Variants in NRG2 observed in about 807,000 individuals in gnomAD.
NRG2 encodes neuregulin 2, also known as pro-neuregulin-2, membrane-bound isoform.
A neutral mutation model predicts 73.9 loss-of-function variants in NRG2; 27 were observed. The ratio of observed to expected loss-of-function variants is 0.37; its 90% CI spans 0.27 to 0.50. The LOEUF is 0.50. Ranked by LOEUF, NRG2 falls within the 20% of genes least tolerant of loss-of-function variation. The pLI is 0.96. For synonymous variants in NRG2, 532 were observed against 541.0 expected (o/e 0.98, Z 0.23); for missense variants, 1,126 against 1,210.1 (o/e 0.93, Z 1.03).
Position 139,986,866 on chromosome 5 carries a change from C to T in NRG2, c.700+55504G>A, listed in dbSNP as rs370163515. 3.6e-4 allele frequency among the ~76,000 whole-genome samples: 55 copies of T among 152,162 alleles called. No individual in the cohort carries two copies. The East Asian group carries it at 7.1e-3, about 20-fold the overall frequency. ...ATTGGACAGCACAGCTTTAGAGGCTCTGAGGGGACATAAACTTCGGTAATT... is the reference window on the plus strand; with the variant it reads ...ATTGGACAGCACAGCTTTAGAGGCTTTGAGGGGACATAAACTTCGGTAATT... On this transcript the variant is annotated intron_variant, in intron 1 of 9. Coordinates refer to ENST00000361474, the MANE Select transcript of NRG2 (RefSeq NM_004883.3).
chr5:139,882,669 C>T (rs923698971), intron 2 of NRG2, among the ~76,000 whole-genome samples: 2 of 152,132 alleles, frequency 1.3e-5, no homozygotes, highest in Admixed American at 6.5e-5. Flanking sequence ...TGTGCACACA[C>T]CAGATTAGCA....
Position 139,869,863 on chromosome 5 carries a change from A to C in NRG2, c.1112+1858T>G, listed in dbSNP as rs939530865. The C allele has an allele frequency of 1.3e-5, 2 of 151,556 alleles. No homozygotes were observed. The highest frequency in any genetic ancestry group is 2.9e-5 in the Non-Finnish European group (2 of 68,176). The allele number at this position is 151,556 out of a possible 1,614,324, so 9.4% of individuals were successfully genotyped here. A position where few individuals can be genotyped will look rare whatever the true frequency, so the allele number is the denominator to read the frequency against. On this transcript the variant is annotated intron_variant, in intron 4 of 9. Transcript: ENST00000361474. The surrounding 1 kb of genome is among the most constrained non-coding windows in gnomAD (Gnocchi z 4.5). ...CCTCCTGGAGCCCACATATCTCACC[A>C]CTCCCTTGCCCACACCGAACTCTAG...
chr5:139,923,312 G>T (rs1160748387), intron 1 of NRG2, among the ~76,000 whole-genome samples: 1 of 152,172 alleles, frequency 6.6e-6, no homozygotes, highest in Non-Finnish European at 1.5e-5. Context: ...TTATGAAGCA[G>T]TGTTTGTGCC....
At chr5:139,902,981 ACTGCTTCTCTCTACC>A (rs562628608) in intron 1 of NRG2, among the ~76,000 whole-genome samples, 1 of 152,282 alleles carries the variant, frequency 6.6e-6, no homozygotes, top group East Asian at 1.9e-4. Flanking sequence ...AGTTTCCTTA[ACTGCTTCTCTCTACC>A]CTGCTGGAAA....
chr5:139,905,845 C>T (rs912233702), intron 1 of NRG2, among the ~76,000 whole-genome samples: 11 of 152,160 alleles, frequency 7.2e-5, no homozygotes, highest in African/African-American at 2.7e-4. Flanking sequence ...TGCTTCAACC[C>T]CTGCTCTTCA....
chr5:139,862,818 G>A (rs1337349325), intron 5 of NRG2, among the ~76,000 whole-genome samples: 4 of 152,242 alleles, frequency 2.6e-5, no homozygotes, highest in African/African-American at 9.6e-5. Context: ...TCTTTTACAT[G>A]GGGACATAAA....
At chr5:140,028,598 T>C (rs1292026917) in intron 1 of NRG2, among the ~76,000 whole-genome samples, 2 of 152,184 alleles carry the variant, frequency 1.3e-5, no homozygotes, top group Admixed American at 6.5e-5. Context: ...CTGAGCCTGA[T>C]GCCATAATAG....
At chr5:139,995,587 A>G (rs562186645) in intron 1 of NRG2, among the ~76,000 whole-genome samples, 1 of 152,286 alleles carries the variant, frequency 6.6e-6, no homozygotes, top group Admixed American at 6.5e-5. Context: ...TCCTGTCTCA[A>G]GCAAGCCAAC....
At chr5:139,984,225 T>G (rs1021329068) in intron 1 of NRG2, among the ~76,000 whole-genome samples, 8 of 152,284 alleles carry the variant, frequency 5.3e-5, no homozygotes, top group African/African-American at 1.7e-4. Flanking sequence ...TTATAATATA[T>G]GAAATATTTG....
At chr5:140,024,399 C>T (rs1285984298) in intron 1 of NRG2, among the ~76,000 whole-genome samples, 1 of 151,676 alleles carries the variant, frequency 6.6e-6, no homozygotes, top group Non-Finnish European at 1.5e-5. Context: ...GGACTACAGG[C>T]GCCCGCCACT....
At chr5:139,996,320 A>G (rs1368756426) in intron 1 of NRG2, among the ~76,000 whole-genome samples, 1 of 152,262 alleles carries the variant, frequency 6.6e-6, no homozygotes, top group Non-Finnish European at 1.5e-5. Flanking sequence ...TATGATGGCT[A>G]CAAAATATTC....
At chr5:139,977,183 A>C (rs1468214068) in intron 1 of NRG2, among the ~76,000 whole-genome samples, 1 of 152,230 alleles carries the variant, frequency 6.6e-6, no homozygotes, top group Non-Finnish European at 1.5e-5. Context: ...ACTATAGAAC[A>C]CTGGGTTGGG....
rs1761156602 is a variant in NRG2, at chr5:139,848,366, C to G, written c.2104G>C (p.Ala702Pro). 1 of 1,239,306 alleles carries G rather than the reference C, an allele frequency of 8.1e-7. No individual in the cohort carries two copies. The allele number at this position is 1,239,306 out of a possible 1,614,324, so 76.8% of individuals were successfully genotyped here. A position where few individuals can be genotyped will look rare whatever the true frequency, so the allele number is the denominator to read the frequency against. The part of the protein sequence containing the change: ...ALGGSLGSLP[A>P]SPFRIPEDDE... ...TCCTCGGGGATGCGGAAGGGGCTGGCAGGCAGGCTGCCCAGGCTGCCGCCG... is the reference window on the plus strand; with the variant it reads ...TCCTCGGGGATGCGGAAGGGGCTGGGAGGCAGGCTGCCCAGGCTGCCGCCG... The change falls in exon 10 of 10, where the codon GCC (alanine) becomes CCC (proline). Residue 702 changes from alanine to proline, a missense_variant. This residue lies in a region of NRG2 where 402 missense variants were observed against 357.8 expected (regional missense o/e 1.12). Coordinates refer to ENST00000361474, the MANE Select transcript of NRG2 (RefSeq NM_004883.3).
At chr5:139,902,352 A>G (rs1315068244) in intron 1 of NRG2, among the ~76,000 whole-genome samples, 1 of 152,196 alleles carries the variant, frequency 6.6e-6, no homozygotes, top group East Asian at 1.9e-4. Context: ...CCATTTCCCC[A>G]CACTGGCCTG....
chr5:139,920,965 G>A (rs1232410872), intron 1 of NRG2, among the ~76,000 whole-genome samples: 1 of 152,194 alleles, frequency 6.6e-6, no homozygotes, highest in Non-Finnish European at 1.5e-5. Context: ...CAATGAGTGA[G>A]TGAAATTTGA....
chr5:139,867,387 G>A (rs1199608053), intron 4 of NRG2, among the ~76,000 whole-genome samples: 2 of 152,020 alleles, frequency 1.3e-5, no homozygotes, highest in South Asian at 2.1e-4. Context: ...GGCATGGGTG[G>A]GAAGAGGGTA....
At chr5:140,011,028 G>A (rs1580939178) in intron 1 of NRG2, among the ~76,000 whole-genome samples, 2 of 152,286 alleles carry the variant, frequency 1.3e-5, no homozygotes, top group South Asian at 4.1e-4. Context: ...TGTTTGTCCT[G>A]CATACAGCTG....
intron 5 of NRG2, among the ~76,000 whole-genome samples, chr5:139,858,931 T>C (rs1761970849): frequency 6.6e-6 from 1 of 152,086 alleles, no homozygotes; most frequent in Admixed American, 6.6e-5. Context: ...TGATAGAGGA[T>C]AGGTGGTGGG....
In NRG2 at chr5:140,029,166, C is replaced by T. The variant is rs577421211; in HGVS notation, c.700+13204G>A. Among the ~76,000 whole-genome samples, 10 of 152,314 alleles carry T rather than the reference C, an allele frequency of 6.6e-5. No individual in the cohort carries two copies. The South Asian group carries it at 1.7e-3, about 25-fold the overall frequency. On this transcript the variant is annotated intron_variant, in intron 1 of 9. Transcript: ENST00000361474. Reference sequence around the variant, plus strand: ...AACAAATAACTGTTGCTGTGTTAAGCTATTCCATTTTGGGGTGTTTTGCCA... The same window carrying T: ...AACAAATAACTGTTGCTGTGTTAAGTTATTCCATTTTGGGGTGTTTTGCCA...
Sources: allele counts gnomAD v4.1 joint callset (sites outside exome capture counted in the v4.1 genomes callset), GRCh38; gene constraint gnomAD v4.1.1; regional missense constraint gnomAD v4.1.1; non-coding constraint Gnocchi (gnomAD v3.1); transcripts MANE v1.5; gene names NCBI Gene and HGNC (gene_info 2026-07-23, HGNC 2026-07-21).